The following SNX10 variants were observed in gnomAD, a reference collection of about 807,000 sequenced individuals.
SNX10 encodes sorting nexin-10.
SNX10 carries 25 observed loss-of-function variants against 28.5 expected under a neutral mutation model. That is an observed-to-expected ratio of 0.88 (90% CI 0.64 to 1.22). The LOEUF (loss-of-function observed/expected upper bound fraction) is 1.22. Ranked by LOEUF, SNX10 falls within the 50% of genes most tolerant of loss-of-function variation. SNX10 has a pLI of 0.00. For missense variants in SNX10, 223 were observed against 242.6 expected, an observed-to-expected ratio of 0.92 and a Z score of 0.54; for synonymous variants, 62 against 81.4, an observed-to-expected ratio of 0.76 and a Z score of 1.28.
chr7:26,324,476 C>G (rs1787426596), intron 1 of SNX10, among the ~76,000 whole-genome samples: 1 of 152,216 alleles, frequency 6.6e-6, no homozygotes, highest in African/African-American at 2.4e-5. Flanking sequence ...CTTCCCACCT[C>G]AGCCTCCCAA....
At chr7:26,292,678 G>A (rs988505782) in intron 1 of SNX10, among the ~76,000 whole-genome samples, 2 of 152,170 alleles carry the variant, frequency 1.3e-5, no homozygotes, top group African/African-American at 2.4e-5. Flanking sequence ...GATTATTGAG[G>A]GGGATCGTCA....
chr7:26,359,732 C>T (rs1327214768), intron 2 of SNX10, among the ~76,000 whole-genome samples: 3 of 151,110 alleles, frequency 2.0e-5, no homozygotes, highest in South Asian at 2.1e-4. Flanking sequence ...GATGCGATCT[C>T]GGCTCACTGC....
intron 1 of SNX10, among the ~76,000 whole-genome samples, chr7:26,339,543 C>CT (rs70943294): frequency 2.2e-4 from 26 of 116,270 alleles, no homozygotes; most frequent in Non-Finnish European, 3.0e-4. Context: ...TTTTTTTTTT[C>CT]TTTTTTTTTT....
chr7:26,293,408 T>G (rs1267956496), intron 1 of SNX10, among the ~76,000 whole-genome samples: 1 of 152,004 alleles, frequency 6.6e-6, no homozygotes, highest in Non-Finnish European at 1.5e-5. Context: ...TTTTGCCATG[T>G]TGCCCCAGGC....
intron 1 of SNX10, among the ~76,000 whole-genome samples, chr7:26,329,764 G>A (rs1276333620): frequency 1.3e-5 from 2 of 152,212 alleles, no homozygotes; most frequent in Non-Finnish European, 2.9e-5. Flanking sequence ...TGGTCATGGA[G>A]CCAGTCACAG....
intron 1 of SNX10, among the ~76,000 whole-genome samples, chr7:26,334,098 A>G (rs1198540392): frequency 1.3e-5 from 2 of 152,270 alleles, no homozygotes; most frequent in African/African-American, 4.8e-5. Context: ...GAACCTTGGT[A>G]GCATAAGCAA....
chr7:26,359,652 A>G (rs1022468757), intron 2 of SNX10, among the ~76,000 whole-genome samples: 1 of 151,748 alleles, frequency 6.6e-6, no homozygotes, highest in African/African-American at 2.4e-5. Context: ...AGCACCTGTT[A>G]AAAAGTATTG....
At chr7:26,307,133 GAA>G (rs1786632227) in intron 1 of SNX10, among the ~76,000 whole-genome samples, 1 of 152,128 alleles carries the variant, frequency 6.6e-6, no homozygotes, top group African/African-American at 2.4e-5. Context: ...TTTTCCTTTA[GAA>G]AAGAGAATTT....
chr7:26,339,541 T>TTTTTA (rs1788095522), intron 1 of SNX10, among the ~76,000 whole-genome samples: 1 of 40,290 alleles, frequency 2.5e-5, no homozygotes, highest in Non-Finnish European at 6.5e-5. Context: ...TTTTTTTTTT[T>TTTTTA]TCTTTTTTTT....
chr7:26,352,220 TAAAC>T (rs1326315232), intron 2 of SNX10, among the ~76,000 whole-genome samples: 1 of 152,142 alleles, frequency 6.6e-6, no homozygotes, highest in African/African-American at 2.4e-5. Context: ...AATAAACCAA[TAAAC>T]AAAATAGTAT....
intron 1 of SNX10, among the ~76,000 whole-genome samples, chr7:26,315,528 C>T (rs1236526639): frequency 6.6e-6 from 1 of 151,106 alleles, no homozygotes; most frequent in Non-Finnish European, 1.5e-5. Context: ...ATTAGCAGGG[C>T]CTGGTGGTGG....
intron 1 of SNX10, among the ~76,000 whole-genome samples, chr7:26,297,129 C>T (rs1786142911): frequency 6.6e-6 from 1 of 152,142 alleles, no homozygotes; most frequent in South Asian, 2.1e-4. Context: ...CGGAGTCTCG[C>T]TCTGTCGCCC....
chr7:26,345,913 G>T lies in SNX10; in HGVS notation c.-23-507G>T, dbSNP rs547312111. ...GCACTGCTCAGAAGGTCAGAGTCAA[G>T]GTCCTGGCTTTATCCCGCTGAGGGC... On this transcript the variant is annotated intron_variant, in intron 1 of 6. Transcript: ENST00000338523. Among the ~76,000 whole-genome samples, 4 of 152,214 alleles carry T rather than the reference G, an allele frequency of 2.6e-5. No homozygotes were observed. In the South Asian group the frequency reaches 8.3e-4, roughly 32 times the overall value.
In SNX10 at chr7:26,364,100, CAATGTCTCATA is replaced by C. The variant is rs1263660433; in HGVS notation, c.112-432_112-422del. ...CATGTCAAGGAGATGAAGATTTCTG[CAATGTCTCATA>C]AAGGGTCATGAGGAGGTGTCTCTAA... On this transcript the variant is annotated intron_variant, in intron 3 of 6. Coordinates refer to ENST00000338523, the MANE Select transcript of SNX10 (RefSeq NM_013322.3). The surrounding 1 kb of genome is among the most constrained non-coding windows in gnomAD (Gnocchi z 4.9). 6.6e-6 allele frequency among the ~76,000 whole-genome samples: 1 copy of C among 152,176 alleles called. No homozygotes were observed. Among genetic ancestry groups the C allele is most frequent in the Non-Finnish European group, 1.5e-5 (1 of 68,030 alleles).
chr7:26,312,163 T>A (rs530981982), intron 1 of SNX10, among the ~76,000 whole-genome samples: 1 of 152,344 alleles, frequency 6.6e-6, no homozygotes, highest in South Asian at 2.1e-4. Flanking sequence ...AACAGAACTT[T>A]TCACTGTTCA....
At chr7:26,307,096 AG>A (rs1786631046) in intron 1 of SNX10, among the ~76,000 whole-genome samples, 1 of 152,208 alleles carries the variant, frequency 6.6e-6, no homozygotes, top group Admixed American at 6.5e-5. Flanking sequence ...TGAAGGAAAG[AG>A]GGTTATTTCC....
intron 3 of SNX10, 59 bp downstream of exon 3, chr7:26,361,120 T>C (rs769915544): frequency 2.0e-5 from 30 of 1,494,538 alleles, no homozygotes; most frequent in Non-Finnish European, 2.7e-5. Flanking sequence ...ATACATTTTA[T>C]GGGATAAAGT....
At chr7:26,329,036 T>A (rs938948711) in intron 1 of SNX10, among the ~76,000 whole-genome samples, 1 of 152,182 alleles carries the variant, frequency 6.6e-6, no homozygotes, top group African/African-American at 2.4e-5. Flanking sequence ...TCTCCCTGCT[T>A]CTGCTTTGGC....
At chr7:26,336,976 G>A (rs1380664697) in intron 1 of SNX10, among the ~76,000 whole-genome samples, 2 of 152,166 alleles carry the variant, frequency 1.3e-5, no homozygotes, top group South Asian at 2.1e-4. Flanking sequence ...AAATTATCGA[G>A]TTAAAGAATA....
Sources: gnomAD v4.1 joint callset for allele counts (sites outside exome capture counted in the v4.1 genomes callset) on GRCh38, gnomAD v4.1.1 for gene constraint, Gnocchi (gnomAD v3.1) non-coding constraint, MANE v1.5 for transcripts, NCBI Gene and HGNC (gene_info 2026-07-23, HGNC 2026-07-21) for gene names.